SATB1: variants seen among roughly 807,000 people sequenced by gnomAD.
SATB1 encodes the protein DNA-binding protein SATB1.
SATB1 carries 11 observed loss-of-function variants against 86.9 expected under a neutral mutation model. The observed-to-expected ratio is 0.13, with a 90% CI of 0.08 to 0.21. SATB1 has a LOEUF of 0.21. Among genes scored for constraint, SATB1 ranks in the 10% least tolerant of loss-of-function variants. The pLI is 1.00. For synonymous variants in SATB1, 357 were observed against 357.2 expected (o/e 1.00, Z 0.01); for missense variants, 551 against 937.6 (o/e 0.59, Z 5.39).
intron 5 of SATB1, among the ~76,000 whole-genome samples, chr3:18,407,580 T>C (rs1450162664): frequency 6.6e-6 from 1 of 152,006 alleles, no homozygotes; most frequent in Admixed American, 6.6e-5. Flanking sequence ...ATGCGAGACA[T>C]TGGTACTATT....
chr3:18,382,461 G>T (rs1229325022), intron 8 of SATB1, among the ~76,000 whole-genome samples: 1 of 152,108 alleles, frequency 6.6e-6, no homozygotes, highest in East Asian at 1.9e-4. Flanking sequence ...CCTTACGGTA[G>T]AAATCATCAC....
At chr3:18,426,609 T>C (rs548017369), upstream of SATB1, among the ~76,000 whole-genome samples, 3 of 152,338 alleles carry the variant, frequency 2.0e-5, no homozygotes, top group African/African-American at 7.2e-5. This position sits in a 1 kb window ranked among gnomAD's most constrained non-coding sequence, Gnocchi z 4.2. Context: ...TAGAAATGCC[T>C]CATTTATCGC....
intron 9 of SATB1, among the ~76,000 whole-genome samples, chr3:18,369,301 C>T (rs143635968): frequency 3.3e-5 from 5 of 151,730 alleles, no homozygotes; most frequent in African/African-American, 9.7e-5. Flanking sequence ...GGACATTATG[C>T]ACCCTACCCA....
At chr3:18,410,135 A>T (rs750865183) in intron 5 of SATB1, among the ~76,000 whole-genome samples, 1 of 152,200 alleles carries the variant, frequency 6.6e-6, no homozygotes, top group South Asian at 2.1e-4. Flanking sequence ...TTGATATGAC[A>T]GCAATGTACT....
At chr3:18,350,026 T>A (rs1321861872) in intron 10 of SATB1, 1 of 256,074 alleles carries the variant, frequency 3.9e-6, no homozygotes, top group Non-Finnish European at 7.4e-6. Context: ...CAAATTATGA[T>A]GTAAATAATT....
chr3:18,396,822 CA>C (rs1332009312), intron 6 of SATB1, among the ~76,000 whole-genome samples: 11 of 152,014 alleles, frequency 7.2e-5, no homozygotes, highest in African/African-American at 2.7e-4. Context: ...CTCATTCAAC[CA>C]GACAAAAACA....
chr3:18,437,475 C>T (rs114949251), intron 1 of SATB1, among the ~76,000 whole-genome samples: 4,747 of 152,172 alleles, frequency 0.031, 106 homozygotes, highest in South Asian at 0.084. Flanking sequence ...TAAGAGTATA[C>T]ATCATTCTTT....
intron 9 of SATB1, among the ~76,000 whole-genome samples, chr3:18,357,613 A>C (rs923742772): frequency 5.3e-5 from 8 of 150,450 alleles, no homozygotes; most frequent in Non-Finnish European, 1.0e-4. Context: ...TGTGTTCTAC[A>C]AGCTGGGGGA....
intron 9 of SATB1, among the ~76,000 whole-genome samples, chr3:18,376,835 T>A (rs1695783593): frequency 6.6e-6 from 1 of 152,200 alleles, no homozygotes; most frequent in Non-Finnish European, 1.5e-5. Context: ...AGCACTAACA[T>A]AAACAATTCA....
intron 9 of SATB1, among the ~76,000 whole-genome samples, chr3:18,353,338 C>A (rs1390292233): frequency 6.6e-6 from 1 of 152,112 alleles, no homozygotes; most frequent in East Asian, 1.9e-4. Context: ...CTCCATCAAT[C>A]TGGGGCTAGA....
At chr3:18,383,362 C>T (rs1009177287) in intron 8 of SATB1, among the ~76,000 whole-genome samples, 3 of 152,172 alleles carry the variant, frequency 2.0e-5, no homozygotes, top group Non-Finnish European at 2.9e-5. Flanking sequence ...AAGGGCACTC[C>T]AAAATCATCT....
In SATB1 at chr3:18,415,092, T is replaced by C. The variant is rs1433656880; in HGVS notation, c.639+19A>G. ...TTGCCCATGATGTCTTATTATTTATTACATTCTATGCTAAGTACCTGTGAA... is the reference window on the plus strand; with the variant it reads ...TTGCCCATGATGTCTTATTATTTATCACATTCTATGCTAAGTACCTGTGAA... On this transcript the variant is annotated intron_variant, in intron 5 of 10. Transcript: ENST00000338745. 1 of 1,611,912 alleles carries C rather than the reference T, an allele frequency of 6.2e-7. No homozygotes were observed.
rs750319014 is a variant in SATB1, at chr3:18,397,173, G to A, written c.751+6C>T. ...TAGCCACTGCTGCAATGTTTTTTTT[G>A]CTTACCCATCATATCTTTTGTCTTC... On this transcript the variant is annotated splice_donor_region_variant and intron_variant, in intron 6 of 10. Transcript: ENST00000338745. 4.7e-6 allele frequency: 7 copies of A among 1,489,376 alleles called. No individual in the cohort carries two copies. In the East Asian group the frequency reaches 6.8e-5, roughly 14 times the overall value. 92.3% of individuals were successfully genotyped at this position (1,489,376 alleles called of 1,614,324 possible).
intron 8 of SATB1, among the ~76,000 whole-genome samples, chr3:18,384,894 A>C (rs1696252722): frequency 6.6e-6 from 1 of 152,208 alleles, no homozygotes; most frequent in South Asian, 2.1e-4. Flanking sequence ...TCTCCTAAAG[A>C]AGCATGACTT....
At chr3:18,415,971 A>G in intron 4 of SATB1, 36 bp downstream of exon 4, 1 of 1,533,118 alleles carries the variant, frequency 6.5e-7, no homozygotes, top group Non-Finnish European at 8.8e-7. Flanking sequence ...CCAGGTAAGA[A>G]GAATGTTTCA....
At chr3:18,435,823 G>A (rs1482425577) in intron 2 of SATB1, among the ~76,000 whole-genome samples, 1 of 152,060 alleles carries the variant, frequency 6.6e-6, no homozygotes, top group Non-Finnish European at 1.5e-5. Context: ...TTGTCTCGTG[G>A]ATGGCAACAT....
chr3:18,373,144 T>C (rs1168221583), intron 9 of SATB1, among the ~76,000 whole-genome samples: 1 of 152,206 alleles, frequency 6.6e-6, no homozygotes, highest in East Asian at 1.9e-4. Flanking sequence ...AAAGGGGCAG[T>C]TCTCTCTTTA....
At chr3:18,380,521 TCAAAA>T (rs944198273) in intron 8 of SATB1, among the ~76,000 whole-genome samples, 13 of 152,030 alleles carry the variant, frequency 8.6e-5, no homozygotes, top group Admixed American at 4.6e-4. Context: ...GCCAACACAA[TCAAAA>T]CAAAAGTGAA....
At chr3:18,376,930 T>C (rs1009236394) in intron 9 of SATB1, among the ~76,000 whole-genome samples, 5 of 152,186 alleles carry the variant, frequency 3.3e-5, no homozygotes, top group African/African-American at 9.7e-5. Context: ...TTGACAGTGA[T>C]TGAAGGGTAG....
Sources: gnomAD v4.1 joint callset for allele counts (sites outside exome capture counted in the v4.1 genomes callset) on GRCh38, gnomAD v4.1.1 for gene constraint, Gnocchi (gnomAD v3.1) non-coding constraint, MANE v1.5 for transcripts, NCBI Gene and HGNC (gene_info 2026-07-23, HGNC 2026-07-21) for gene names.